PALMD: variants seen among roughly 807,000 people sequenced by gnomAD.
PALMD encodes the protein paralemmin-like protein.
A neutral mutation model predicts 56.2 loss-of-function variants in PALMD; 42 were observed. That is an observed-to-expected ratio of 0.75 (90% CI 0.58 to 0.97). The LOEUF is 0.97. Ranked by LOEUF, PALMD falls within the 50% of genes least tolerant of loss-of-function variation. PALMD has a pLI of 0.00. For missense variants in PALMD, 660 were observed against 643.8 expected, an observed-to-expected ratio of 1.03 and a Z score of -0.27; for synonymous variants, 242 against 222.9, an observed-to-expected ratio of 1.09 and a Z score of -0.76.
intron 3 of PALMD, among the ~76,000 whole-genome samples, chr1:99,676,157 G>T (rs1430518004): frequency 6.6e-6 from 1 of 152,172 alleles, no homozygotes; most frequent in East Asian, 1.9e-4. Context: ...GGCAAACTTA[G>T]TGTTTGCTGT....
rs74518578 is a variant in PALMD at position 99,689,869 on chromosome 1, A to G, written c.1609A>G (p.Thr537Ala). 542 of 1,594,174 alleles carry G rather than the reference A, an allele frequency of 3.4e-4. 1 individual carries two copies. The East Asian group carries it at 8.9e-3, about 26-fold the overall frequency. The part of the protein sequence containing the change: ...TGDGTEDPSL[T>A]ALRMRMAKLG... ...AGATGGGACTGAGGATCCATCCTTA[A>G]CAGGTAATAAAAATGACAAGGCATG... is the stretch of plus-strand genomic sequence containing the variant. Residue 537 changes from threonine (T) to alanine (A), a missense_variant, in exon 7 of 8, where the codon ACA becomes GCA. Transcript: ENST00000263174.
At chr1:99,647,373 T>A (rs1229269138) in intron 1 of PALMD, among the ~76,000 whole-genome samples, 1 of 152,246 alleles carries the variant, frequency 6.6e-6, no homozygotes, top group Admixed American at 6.5e-5. Flanking sequence ...ATTATGCTAA[T>A]CCTAATTTAG....
chr1:99,691,065 G>A (rs140522535), intron 7 of PALMD, among the ~76,000 whole-genome samples: 53 of 152,156 alleles, frequency 3.5e-4, no homozygotes, highest in African/African-American at 1.2e-3. Context: ...AAGTATACAC[G>A]TATACAACTT....
Position 99,646,116 on chromosome 1 carries a change from A to G in PALMD, c.-202A>G. 1 of 579,474 alleles carries G rather than the reference A, an allele frequency of 1.7e-6. No homozygotes were observed. The allele number at this position is 579,474 out of a possible 1,614,324, so 35.9% of individuals were successfully genotyped here. On this transcript the variant is annotated 5_prime_UTR_variant, in exon 1 of 8. Coordinates refer to ENST00000263174, the MANE Select transcript of PALMD (RefSeq NM_017734.5). ...TCTGCCTCCCCAGCACACCCTCATT[A>G]CATGTGTCTGTCTGGCCTGATCTGT...
intron 3 of PALMD, among the ~76,000 whole-genome samples, chr1:99,672,057 A>C (rs1431407412): frequency 2.0e-5 from 3 of 152,132 alleles, no homozygotes; most frequent in African/African-American, 7.2e-5. Context: ...TTATGTAGAC[A>C]TTTACCTGAA....
chr1:99,658,453 G>T (rs1445923010), intron 1 of PALMD, among the ~76,000 whole-genome samples: 1 of 151,746 alleles, frequency 6.6e-6, no homozygotes. Flanking sequence ...AACACAGAAA[G>T]ACCTTGTCTC....
chr1:99,677,686 T>C (rs955701389), intron 3 of PALMD, among the ~76,000 whole-genome samples: 6 of 152,144 alleles, frequency 3.9e-5, no homozygotes, highest in African/African-American at 1.4e-4. Flanking sequence ...ACCATCTGAA[T>C]GCCAAGGACA....
intron 1 of PALMD, among the ~76,000 whole-genome samples, chr1:99,658,466 TTAAAAA>T (rs1184689259): frequency 1.3e-5 from 2 of 150,938 alleles, no homozygotes; most frequent in Admixed American, 6.6e-5. Context: ...CTTGTCTCTC[TTAAAAA>T]TAAAAATAAA....
At chr1:99,674,310 C>T (rs1250119904) in intron 3 of PALMD, among the ~76,000 whole-genome samples, 1 of 151,910 alleles carries the variant, frequency 6.6e-6, no homozygotes, top group Non-Finnish European at 1.5e-5. Flanking sequence ...GGTCCTCCCT[C>T]CACTCCACTT....
At chr1:99,663,592 ACACACACACAAT>A (rs942946130) in intron 2 of PALMD, among the ~76,000 whole-genome samples, 5 of 151,904 alleles carry the variant, frequency 3.3e-5, no homozygotes, top group African/African-American at 1.2e-4. Flanking sequence ...TGCACAATTT[ACACACACACAAT>A]CACACACACA....
intron 1 of PALMD, among the ~76,000 whole-genome samples, chr1:99,654,334 TTAAA>T (rs540253478): frequency 0.01 from 1,596 of 152,240 alleles, 31 homozygotes; most frequent in African/African-American, 0.037. Context: ...AGCTATAATA[TTAAA>T]TTTATAGCTA....
chr1:99,679,358 T>G (rs528405939), intron 3 of PALMD, among the ~76,000 whole-genome samples: 1 of 152,254 alleles, frequency 6.6e-6, no homozygotes, highest in South Asian at 2.1e-4. Flanking sequence ...GCAAAGAAAG[T>G]CTTGCTATAA....
At chr1:99,648,236 C>T (rs951116799) in intron 1 of PALMD, among the ~76,000 whole-genome samples, 1 of 152,092 alleles carries the variant, frequency 6.6e-6, no homozygotes, top group African/African-American at 2.4e-5. Context: ...TTCTCATAAA[C>T]CAGCCTACAC....
chr1:99,689,970 A>G, intron 7 of PALMD, 98 bp downstream of exon 7: 3 of 1,102,062 alleles, frequency 2.7e-6, no homozygotes, highest in Non-Finnish European at 3.9e-6. Flanking sequence ...TGACCACCTC[A>G]TAAACTAATA....
At chr1:99,653,052 C>G (rs1652630977) in intron 1 of PALMD, among the ~76,000 whole-genome samples, 1 of 152,184 alleles carries the variant, frequency 6.6e-6, no homozygotes. Context: ...ATCCCACTTC[C>G]TTTACGTAGC....
rs758413141 is a variant in PALMD at position 99,689,587 on chromosome 1, G to C, written c.1327G>C (p.Glu443Gln). 6.2e-7 allele frequency: 1 copy of C among 1,613,842 alleles called. No individual in the cohort carries two copies. Among genetic ancestry groups the C allele is most frequent in the South Asian group, 1.1e-5 (1 of 91,076 alleles). The part of the protein sequence containing the change: ...LTGYDGIIHA[E>Q]LVVIDDEEEE... ...AGGATATGATGGGATCATCCATGCT[G>C]AGCTGGTTGTGATTGATGATGAGGA... is the stretch of plus-strand genomic sequence containing the variant. The change falls in exon 7 of 8, where the codon GAG (glutamate) becomes CAG (glutamine). Residue 443 changes from glutamate to glutamine, a missense_variant. By Grantham distance (29) the Glu-to-Gln change is conservative (BLOSUM62 2). Coordinates refer to ENST00000263174, the MANE Select transcript of PALMD (RefSeq NM_017734.5).
intron 3 of PALMD, chr1:99,683,410 A>T (rs1653416325): frequency 1.3e-5 from 2 of 152,244 alleles, no homozygotes; most frequent in Admixed American, 6.5e-5. Context: ...CATCCCCCAC[A>T]AATCCCCTTT....
At chr1:99,686,617 T>C in intron 3 of PALMD, 59 bp from the exon 4 acceptor site, 1 of 818,238 alleles carries the variant, frequency 1.2e-6, no homozygotes, top group Non-Finnish European at 2.0e-6. Context: ...GAAGACATAT[T>C]TGAGAACTCC....
intron 3 of PALMD, among the ~76,000 whole-genome samples, chr1:99,683,088 G>GAA (rs1653398956): frequency 3.7e-5 from 1 of 27,206 alleles, no homozygotes; most frequent in Admixed American, 3.8e-4. Flanking sequence ...GAGAGAGAGA[G>GAA]AGAAAGAAAG....
Sources: allele counts gnomAD v4.1 joint callset (sites outside exome capture counted in the v4.1 genomes callset), GRCh38; gene constraint gnomAD v4.1.1; transcripts MANE v1.5; gene names NCBI Gene and HGNC (gene_info 2026-07-23, HGNC 2026-07-21).